The following MMP3 variants were observed in gnomAD, a reference collection of about 807,000 sequenced individuals.
MMP3 encodes the protein stromelysin-1.
MMP3 carries 46 observed loss-of-function variants against 47.3 expected under a neutral mutation model. The observed-to-expected ratio is 0.97, with a 90% CI of 0.77 to 1.24. The LOEUF is 1.24. Ranked by LOEUF, MMP3 falls within the 50% of genes most tolerant of loss-of-function variation. The probability of loss-of-function intolerance (pLI) is 0.00; values close to 1 mark genes in which losing one functional copy is unlikely to be tolerated. For missense variants in MMP3, 558 were observed against 565.5 expected, an observed-to-expected ratio of 0.99 and a Z score of 0.13; for synonymous variants, 216 against 206.5, an observed-to-expected ratio of 1.05 and a Z score of -0.39.
chr11:102,840,670 T>C (rs1858981544), intron 4 of MMP3, 77 bp from the exon 5 acceptor site: 27 of 1,484,496 alleles, frequency 1.8e-5, no homozygotes, highest in Non-Finnish European at 2.2e-5. Flanking sequence ...GTGCATTGTA[T>C]TGGTTTTTAC....
rs910131990 is a variant in MMP3, at chr11:102,836,473, T to C, written c.1334-247A>G. 8.8e-6 allele frequency: 5 copies of C among 571,334 alleles called. No homozygotes were observed. The highest frequency in any genetic ancestry group is 5.6e-5 in the African/African-American group (3 of 53,736). 35.4% of individuals were successfully genotyped at this position (571,334 alleles called of 1,614,324 possible). Reference sequence around the variant, plus strand: ...TTGAGGTTGAGACAGATTTCGATGCTTCCTCAAGGTTACTCAGCAAGGAAG... The same window carrying C: ...TTGAGGTTGAGACAGATTTCGATGCCTCCTCAAGGTTACTCAGCAAGGAAG... On this transcript the variant is annotated intron_variant, in intron 9 of 9. Coordinates refer to ENST00000299855, the MANE Select transcript of MMP3 (RefSeq NM_002422.5). This position sits in a 1 kb window ranked among gnomAD's most constrained non-coding sequence, Gnocchi z 4.6.
At chr11:102,838,504 A>G (rs1555004911) in intron 8 of MMP3, 47 bp downstream of exon 8, 1 of 1,574,044 alleles carries the variant, frequency 6.4e-7, no homozygotes, top group Admixed American at 1.9e-5. Context: ...AAAGAAACTA[A>G]TTTCCCTAAT....
At position 102,837,873 on chromosome 11, in the gene MMP3, G is replaced by A. The variant is rs1858912089; in HGVS notation, c.1230-472C>T. ...ATAAGAAGCAAAGCACAGTAAGTGT[G>A]TTTTTAGCCCATTGGCTGGATATCA... On this transcript the variant is annotated intron_variant, in intron 8 of 9. Coordinates refer to ENST00000299855, the MANE Select transcript of MMP3 (RefSeq NM_002422.5). The surrounding 1 kb of genome is among the most constrained non-coding windows in gnomAD (Gnocchi z 4.4). 6.6e-6 allele frequency among the ~76,000 whole-genome samples: 1 copy of A among 152,154 alleles called. No individual in the cohort carries two copies. Among genetic ancestry groups the A allele is most frequent in the Non-Finnish European group, 1.5e-5 (1 of 68,038 alleles).
rs678815 is a variant in MMP3 at position 102,843,046 on chromosome 11, G to C, written c.106-130C>G. ...ATTTCTCTAGCTTGCTGAAATAATG[G>C]CAAATTTTATAATATGATACTAGCA... On this transcript the variant is annotated intron_variant, in intron 1 of 9. Transcript: ENST00000299855. 415,790 of 798,894 alleles carry C rather than the reference G, an allele frequency of 0.52. 111,828 individuals are homozygous for C. The highest frequency in any genetic ancestry group is 0.68 in the East Asian group (24,583 of 36,164). 49.5% of individuals were successfully genotyped at this position (798,894 alleles called of 1,614,324 possible). A position where few individuals can be genotyped will look rare whatever the true frequency, so the allele number is the denominator to read the frequency against.
intron 6 of MMP3, 25 bp from the exon 7 acceptor site, chr11:102,839,268 T>C (rs1858949102): frequency 5.0e-6 from 8 of 1,612,460 alleles, no homozygotes; most frequent in Non-Finnish European, 6.8e-6. Context: ...AAAAGAAATG[T>C]AAATTGAAAA....
chr11:102,842,949 T>C, intron 1 of MMP3, 33 bp from the exon 2 acceptor site: 1 of 1,503,506 alleles, frequency 6.7e-7, no homozygotes, highest in Non-Finnish European at 9.0e-7. Flanking sequence ...TAGGTCACTC[T>C]TACAATTTTT....
intron 4 of MMP3, among the ~76,000 whole-genome samples, chr11:102,841,612 T>C (rs1858998582): frequency 6.6e-6 from 1 of 151,936 alleles, no homozygotes; most frequent in Non-Finnish European, 1.5e-5. Flanking sequence ...TTCTTCTACC[T>C]AAACAGTTTG....
At position 102,840,410 on chromosome 11, in the gene MMP3, T is replaced by G; in HGVS notation, c.790+19A>C. 1.9e-6 allele frequency: 3 copies of G among 1,609,552 alleles called. No individual in the cohort carries two copies. The highest frequency in any genetic ancestry group is 2.5e-6 in the Non-Finnish European group (3 of 1,178,484). ...ATCATTGCAAAACTACAATGGCTGATTTTCCCAGTGTCACTCACCATAGAG... is the reference window on the plus strand; with the variant it reads ...ATCATTGCAAAACTACAATGGCTGAGTTTCCCAGTGTCACTCACCATAGAG... On this transcript the variant is annotated intron_variant, in intron 5 of 9. Transcript: ENST00000299855.
chr11:102,843,567 T>C lies in MMP3; in HGVS notation c.-21A>G. 1 of 1,593,124 alleles carries C rather than the reference T, an allele frequency of 6.3e-7. No individual in the cohort carries two copies. Among genetic ancestry groups the C allele is most frequent in the Non-Finnish European group, 8.6e-7 (1 of 1,164,086 alleles). ...TTCATTTCCACTGGCTTTACTTAGCTCTATGTTGTCTCTATGCCTTGCTGT... is the reference window on the plus strand; with the variant it reads ...TTCATTTCCACTGGCTTTACTTAGCCCTATGTTGTCTCTATGCCTTGCTGT... On this transcript the variant is annotated 5_prime_UTR_variant, in exon 1 of 10. Transcript: ENST00000299855.
Position 102,836,053 on chromosome 11 carries a change from A to G in MMP3, c.*73T>C, listed in dbSNP as rs1185740243. On this transcript the variant is annotated 3_prime_UTR_variant, in exon 10 of 10. Transcript: ENST00000299855. This position sits in a 1 kb window ranked among gnomAD's most constrained non-coding sequence, Gnocchi z 4.6. ...CAGGCAGGAGAAAACGAACATTTCAATTCACAGAGACTTAGGTGAAGAATT... is the reference window on the plus strand; with the variant it reads ...CAGGCAGGAGAAAACGAACATTTCAGTTCACAGAGACTTAGGTGAAGAATT... 4 of 1,166,118 alleles carry G rather than the reference A, an allele frequency of 3.4e-6. No homozygotes were observed. Among genetic ancestry groups the G allele is most frequent in the African/African-American group, 3.1e-5 (2 of 65,318 alleles). 72.2% of individuals were successfully genotyped at this position (1,166,118 alleles called of 1,614,324 possible).
Position 102,840,241 on chromosome 11 carries a change from CAG to C in MMP3, c.800_801del (p.Pro267ArgfsTer4), listed in dbSNP as rs781932752. Reference protein sequence around the residue: ...NGIQSLYGPPPDSPETPLVPT... With the variant: ...NGIQSLYGPPXDSPETPLVPT... ...GGTACCAGGGGGGTCTCAGGGGAGTCAGGGGGAGGTCCTAAAGGGAACATTAG... is the reference window on the plus strand; with the variant it reads ...GGTACCAGGGGGGTCTCAGGGGAGTCGGGGAGGTCCTAAAGGGAACATTAG... On this transcript the variant is annotated frameshift_variant, in exon 6 of 10. Transcript: ENST00000299855. LOFTEE classifies it high-confidence loss of function. 1.2e-6 allele frequency: 2 copies of C among 1,613,398 alleles called. No individual in the cohort carries two copies. The highest frequency in any genetic ancestry group is 1.7e-6 in the Non-Finnish European group (2 of 1,179,816).
Position 102,837,452 on chromosome 11 carries a change from G to T in MMP3, c.1230-51C>A. ...AGCATTGCATAGAGGCCATGTTACCGAACATCTTAGATCATGTTAGGTTTA... is the reference window on the plus strand; with the variant it reads ...AGCATTGCATAGAGGCCATGTTACCTAACATCTTAGATCATGTTAGGTTTA... On this transcript the variant is annotated intron_variant, in intron 8 of 9. Transcript: ENST00000299855. This position sits in a 1 kb window ranked among gnomAD's most constrained non-coding sequence, Gnocchi z 4.4. The T allele has an allele frequency of 7.8e-7, 1 of 1,281,828 alleles. No individual in the cohort carries two copies. 79.4% of individuals were successfully genotyped at this position (1,281,828 alleles called of 1,614,324 possible). A position where few individuals can be genotyped will look rare whatever the true frequency, so the allele number is the denominator to read the frequency against.
At position 102,842,183 on chromosome 11, in the gene MMP3, T is replaced by A. The variant is rs782557530; in HGVS notation, c.596A>T (p.Asp199Val). The A allele has an allele frequency of 4.3e-6, 7 of 1,611,382 alleles. No individual in the cohort carries two copies. The highest frequency in any genetic ancestry group is 1.7e-4 in the Middle Eastern group (1 of 6,056). Residue 199 changes from aspartate (D) to valine (V), a missense_variant, in exon 4 of 10, where the codon GAT (aspartate) becomes GTT (valine). Coordinates refer to ENST00000299855, the MANE Select transcript of MMP3 (RefSeq NM_002422.5). ...PGINGDAHFD[D>V]DEQWTKDTTG... ...TGTATCCTTTGTCCATTGTTCATCA[T>A]CATCAAAGTGGGCATCTCCATTAAT...
At chr11:102,839,053 A>G in intron 7 of MMP3, 57 bp downstream of exon 7, 1 of 1,577,510 alleles carries the variant, frequency 6.3e-7, no homozygotes, top group Middle Eastern at 1.7e-4. Flanking sequence ...GTGTTGTTCA[A>G]TTTCTTATGA....
In MMP3 at chr11:102,842,585, G is replaced by A. The variant is rs782645182; in HGVS notation, c.351-6C>T. 6.2e-6 allele frequency: 10 copies of A among 1,613,268 alleles called. No individual in the cohort carries two copies. The highest frequency in any genetic ancestry group is 7.6e-6 in the Non-Finnish European group (9 of 1,179,824). On this transcript the variant is annotated splice_region_variant and splice_polypyrimidine_tract_variant and intron_variant, in intron 2 of 9. Transcript: ENST00000299855. ...CTGGTGTATAATTCACAATCCTGTAGGAGAAAAATTGAAGCAGATGCTATT... is the reference window on the plus strand; with the variant it reads ...CTGGTGTATAATTCACAATCCTGTAAGAGAAAAATTGAAGCAGATGCTATT...
Position 102,842,595 on chromosome 11 carries a change from T to G in MMP3, c.351-16A>C, listed in dbSNP as rs782210261. 45 of 1,613,516 alleles carry G rather than the reference T, an allele frequency of 2.8e-5. No individual in the cohort carries two copies. Among genetic ancestry groups the G allele is most frequent in the Non-Finnish European group, 2.5e-6 (3 of 1,179,882 alleles). ...ATTCACAATCCTGTAGGAGAAAAATTGAAGCAGATGCTATTTTCTCCTATG... is the reference window on the plus strand; with the variant it reads ...ATTCACAATCCTGTAGGAGAAAAATGGAAGCAGATGCTATTTTCTCCTATG... On this transcript the variant is annotated splice_polypyrimidine_tract_variant and intron_variant, in intron 2 of 9. Transcript: ENST00000299855.
At position 102,840,192 on chromosome 11, in the gene MMP3, G is replaced by C. The variant is rs1420146151; in HGVS notation, c.851C>G (p.Pro284Arg). 1 of 1,613,994 alleles carries C rather than the reference G, an allele frequency of 6.2e-7. No homozygotes were observed. Among genetic ancestry groups the C allele is most frequent in the Non-Finnish European group, 8.5e-7 (1 of 1,179,998 alleles). Reference protein sequence around the residue: ...LVPTEPVPPEPGTPANCDPAL... With the variant: ...LVPTEPVPPERGTPANCDPAL... ...AGGATCACAGTTGGCTGGCGTCCCA[G>C]GTTCTGGAGGGACAGGTTCCGTGGG... is the stretch of plus-strand genomic sequence containing the variant. Residue 284 changes from proline (P) to arginine (R), a missense_variant, in exon 6 of 10, where the codon CCT becomes CGT. Transcript: ENST00000299855.
chr11:102,842,229 C>A lies in MMP3; in HGVS notation c.550G>T (p.Ala184Ser), dbSNP rs782806413. The A allele has an allele frequency of 3.7e-6, 6 of 1,612,054 alleles. No homozygotes were observed. In the Admixed American group the frequency reaches 1.0e-4, roughly 27 times the overall value. The change falls in exon 4 of 10, where the codon GCC (alanine) becomes TCC (serine). Residue 184 changes from alanine (A) to serine (S), a missense_variant. Physicochemically the swap from Ala to Ser is moderately conservative, Grantham distance 99. Transcript: ENST00000299855. ...TTAATCCCTGGCCCAGGGGCATAGGCATGGGCCAAAACATTTCCAGGTCCA... is the reference window on the plus strand; with the variant it reads ...TTAATCCCTGGCCCAGGGGCATAGGAATGGGCCAAAACATTTCCAGGTCCA... ...FDGPGNVLAH[A>S]YAPGPGINGD...
At position 102,837,992 on chromosome 11, in the gene MMP3, T is replaced by C. The variant is rs1199802209; in HGVS notation, c.1229+559A>G. Among the ~76,000 whole-genome samples the C allele has an allele frequency of 1.3e-5, 2 of 152,168 alleles. No individual in the cohort carries two copies. Among genetic ancestry groups the C allele is most frequent in the Non-Finnish European group, 2.9e-5 (2 of 68,036 alleles). The stretch of plus-strand genomic sequence containing the variant: ...GTTGTATCCATAAACTGGACTGCTA[T>C]TGATCATCATCTCTTAAATGAGCCA... On this transcript the variant is annotated intron_variant, in intron 8 of 9. Transcript: ENST00000299855. The surrounding 1 kb of genome is among the most constrained non-coding windows in gnomAD (Gnocchi z 4.4).
Sources: gnomAD v4.1 joint callset for allele counts (sites outside exome capture counted in the v4.1 genomes callset) on GRCh38, gnomAD v4.1.1 for gene constraint, Gnocchi (gnomAD v3.1) non-coding constraint, MANE v1.5 for transcripts, NCBI Gene and HGNC (gene_info 2026-07-23, HGNC 2026-07-21) for gene names.